ELOVL2: variants seen among roughly 807,000 people sequenced by gnomAD.
ELOVL2 encodes very long chain fatty acid elongase 2.
A neutral mutation model predicts 37.7 loss-of-function variants in ELOVL2; 38 were observed. The observed-to-expected ratio is 1.01, with a 90% CI of 0.78 to 1.32. The LOEUF is 1.32. ELOVL2 is among the 40% of genes most tolerant of loss of function. ELOVL2 has a pLI of 0.00. For synonymous variants in ELOVL2, 115 were observed against 122.3 expected (o/e 0.94, Z 0.40); for missense variants, 352 against 363.6 (o/e 0.97, Z 0.26).
chr6:11,009,195 G>T (rs1782529056), intron 2 of ELOVL2, among the ~76,000 whole-genome samples: 1 of 152,186 alleles, frequency 6.6e-6, no homozygotes, highest in Non-Finnish European at 1.5e-5. Flanking sequence ...TCTGAAGGAA[G>T]TAAACAAGGG....
chr6:10,987,576 A>C (rs551612261), intron 7 of ELOVL2, among the ~76,000 whole-genome samples: 1 of 152,268 alleles, frequency 6.6e-6, no homozygotes, highest in South Asian at 2.1e-4. Flanking sequence ...TTCAAAGAAC[A>C]TCTTTCTTTA....
At chr6:11,025,071 A>C (rs917538268) in intron 1 of ELOVL2, among the ~76,000 whole-genome samples, 48 of 152,196 alleles carry the variant, frequency 3.2e-4, no homozygotes, top group African/African-American at 1.1e-3. Context: ...GCACAAAGCA[A>C]TGTTTTTGTA....
At chr6:10,990,227 C>T in intron 6 of ELOVL2, 91 bp downstream of exon 6, 1 of 1,519,228 alleles carries the variant, frequency 6.6e-7, no homozygotes, top group Non-Finnish European at 8.9e-7. Context: ...AGCCTCATCA[C>T]ACATAAAAAG....
intron 1 of ELOVL2, among the ~76,000 whole-genome samples, chr6:11,017,038 G>A (rs537874919): frequency 6.6e-6 from 1 of 152,254 alleles, no homozygotes; most frequent in Non-Finnish European, 1.5e-5. Context: ...AATCTTTTAT[G>A]TATGGGAACT....
intron 1 of ELOVL2, among the ~76,000 whole-genome samples, chr6:11,013,117 C>A (rs1782611621): frequency 1.3e-5 from 2 of 152,184 alleles, no homozygotes; most frequent in Admixed American, 1.3e-4. Flanking sequence ...AGGCATGACT[C>A]CCTTGGGAAA....
intron 1 of ELOVL2, chr6:11,043,524 A>G (rs1327800167): frequency 6.8e-6 from 1 of 148,084 alleles, no homozygotes; most frequent in Non-Finnish European, 1.5e-5. Flanking sequence ...TTACTAATCC[A>G]GAGTGGAGGA....
At position 10,981,737 on chromosome 6, in the gene ELOVL2, G is replaced by A. The variant is rs988138785; in HGVS notation, c.*2044C>T. The A allele has an allele frequency of 1.8e-4, 28 of 152,304 alleles. No homozygotes were observed. The highest frequency in any genetic ancestry group is 5.5e-4 in the African/African-American group (23 of 41,566). 9.4% of individuals were successfully genotyped at this position (152,304 alleles called of 1,614,324 possible). On this transcript the variant is annotated 3_prime_UTR_variant, in exon 8 of 8. Coordinates refer to ENST00000354666, the MANE Select transcript of ELOVL2 (RefSeq NM_017770.4). ...TGAGACCTTAGGGCCTCACTGGCAC[G>A]TAAGAATAAGCTGAATGTGATGACC...
At chr6:11,005,911 A>G (rs1220362558) in intron 2 of ELOVL2, among the ~76,000 whole-genome samples, 2 of 152,352 alleles carry the variant, frequency 1.3e-5, no homozygotes, top group East Asian at 3.9e-4. Flanking sequence ...ATGGAAAAAA[A>G]AACAGCTCAG....
At chr6:11,010,041 T>G (rs2113521477) in intron 2 of ELOVL2, among the ~76,000 whole-genome samples, 1 of 149,634 alleles carries the variant, frequency 6.7e-6, no homozygotes, top group African/African-American at 2.4e-5. Context: ...TTTTTTTTTT[T>G]GAGACAGAGT....
intron 2 of ELOVL2, among the ~76,000 whole-genome samples, chr6:11,006,614 CTT>C (rs1782488081): frequency 6.6e-6 from 1 of 152,194 alleles, no homozygotes; most frequent in African/African-American, 2.4e-5. Flanking sequence ...ACCCCAGCCT[CTT>C]GTTAAACCAC....
chr6:10,981,475 A>C lies in ELOVL2; in HGVS notation c.*2306T>G, dbSNP rs1042889276. The C allele has an allele frequency of 3.9e-5, 6 of 152,592 alleles. No homozygotes were observed. Among genetic ancestry groups the C allele is most frequent in the Non-Finnish European group, 7.4e-5 (5 of 68,024 alleles). 9.5% of individuals were successfully genotyped at this position (152,592 alleles called of 1,614,324 possible). ...GGTTTAAGGCTATAAGTGTTTTATG[A>C]AGCATCTCTTGAATTGAAGACCAAA... On this transcript the variant is annotated 3_prime_UTR_variant, in exon 8 of 8. Coordinates refer to ENST00000354666, the MANE Select transcript of ELOVL2 (RefSeq NM_017770.4).
At chr6:11,033,700 T>G (rs1310361045) in intron 1 of ELOVL2, among the ~76,000 whole-genome samples, 3 of 152,222 alleles carry the variant, frequency 2.0e-5, no homozygotes, top group Non-Finnish European at 4.4e-5. Flanking sequence ...ATAAAACTCA[T>G]GTAACCCGAA....
At chr6:11,015,804 C>G (rs1230859568) in intron 1 of ELOVL2, 2 of 152,154 alleles carry the variant, frequency 1.3e-5, no homozygotes, top group Non-Finnish European at 2.9e-5. Context: ...CTGGGACTTC[C>G]ACCCATCCCT....
intron 1 of ELOVL2, chr6:11,043,450 T>G (rs1783137836): frequency 1.8e-5 from 1 of 54,090 alleles, no homozygotes; most frequent in African/African-American, 1.2e-4. Context: ...TGTCAGGCAG[T>G]TCATCGGACA....
intron 1 of ELOVL2, chr6:11,015,914 T>C (rs1782677207): frequency 6.6e-6 from 1 of 152,188 alleles, no homozygotes. Context: ...CACTGCTTTA[T>C]CCTCAAAACC....
chr6:11,007,789 C>T (rs1044952838), intron 2 of ELOVL2, among the ~76,000 whole-genome samples: 3 of 152,190 alleles, frequency 2.0e-5, no homozygotes, highest in South Asian at 4.1e-4. Context: ...CTCATACCCA[C>T]GTAGTGCTGA....
chr6:11,037,527 C>T (rs908017556), intron 1 of ELOVL2, among the ~76,000 whole-genome samples: 1 of 140,682 alleles, frequency 7.1e-6, no homozygotes, highest in African/African-American at 2.6e-5. Context: ...TTGAATACTA[C>T]ACTCGTTCTA....
At chr6:11,022,770 T>C (rs1782783410) in intron 1 of ELOVL2, among the ~76,000 whole-genome samples, 1 of 152,158 alleles carries the variant, frequency 6.6e-6, no homozygotes, top group Admixed American at 6.5e-5. Flanking sequence ...TACACAGAAA[T>C]GTACCAAGTT....
At chr6:11,001,419 A>T (rs1229501080) in intron 3 of ELOVL2, among the ~76,000 whole-genome samples, 1 of 152,228 alleles carries the variant, frequency 6.6e-6, no homozygotes, top group Non-Finnish European at 1.5e-5. Flanking sequence ...TCAACTGGGA[A>T]TCAGCGACTG....
Sources: gnomAD v4.1 joint callset for allele counts (sites outside exome capture counted in the v4.1 genomes callset) on GRCh38, gnomAD v4.1.1 for gene constraint, MANE v1.5 for transcripts, NCBI Gene and HGNC (gene_info 2026-07-23, HGNC 2026-07-21) for gene names.